The following SH3GL2 variants were observed in gnomAD, a reference collection of about 807,000 sequenced individuals.
SH3GL2 encodes the protein SH3 domain containing GRB2 like 2, endophilin A1.
Under a neutral mutation model 46.0 loss-of-function variants are expected in SH3GL2, and 24 were observed. The observed-to-expected ratio is 0.52, with a 90% CI of 0.38 to 0.73. The LOEUF is 0.73. SH3GL2 is among the 30% of genes least tolerant of loss of function. The pLI is 0.00. For missense variants in SH3GL2, 413 were observed against 424.2 expected (o/e 0.97, Z 0.23); for synonymous variants, 196 against 147.1 (o/e 1.33, Z -2.40).
At chr9:17,629,954 A>G (rs1051695854) in intron 1 of SH3GL2, among the ~76,000 whole-genome samples, 8 of 152,194 alleles carry the variant, frequency 5.3e-5, no homozygotes, top group Non-Finnish European at 1.2e-4. Flanking sequence ...ATGGAATCAC[A>G]TGGAGATGCT....
chr9:17,737,333 C>G (rs1822368362), intron 1 of SH3GL2, among the ~76,000 whole-genome samples: 1 of 151,444 alleles, frequency 6.6e-6, no homozygotes, highest in Non-Finnish European at 1.5e-5. Context: ...CACATGTATC[C>G]CAGAACTTAA....
chr9:17,662,826 C>T (rs1820254712), intron 1 of SH3GL2, among the ~76,000 whole-genome samples: 1 of 151,454 alleles, frequency 6.6e-6, no homozygotes, highest in African/African-American at 2.4e-5. Flanking sequence ...TCTGCTGCCT[C>T]AGCCTCCCAA....
intron 3 of SH3GL2, among the ~76,000 whole-genome samples, chr9:17,763,657 T>C (rs773338959): frequency 2.6e-5 from 4 of 152,182 alleles, no homozygotes; most frequent in Non-Finnish European, 5.9e-5. Context: ...ATCAATTCTT[T>C]TCTTTGAGGC....
chr9:17,594,278 G>A (rs1350688974), intron 1 of SH3GL2, among the ~76,000 whole-genome samples: 2 of 152,038 alleles, frequency 1.3e-5, no homozygotes, highest in Non-Finnish European at 2.9e-5. Flanking sequence ...TATGCCATAC[G>A]TTTCTTGCCT....
intron 1 of SH3GL2, among the ~76,000 whole-genome samples, chr9:17,671,011 A>G (rs370978195): frequency 2.0e-4 from 30 of 152,300 alleles, no homozygotes; most frequent in African/African-American, 6.0e-4. Flanking sequence ...CTACTAGGCT[A>G]TATTAGTAGA....
chr9:17,610,729 G>GT (rs59800681), intron 1 of SH3GL2, among the ~76,000 whole-genome samples: 86,109 of 150,300 alleles, frequency 0.57, 25,628 homozygotes, highest in Middle Eastern at 0.72. Flanking sequence ...GTTTTCTAAA[G>GT]TTTTTTTTTT....
intron 2 of SH3GL2, among the ~76,000 whole-genome samples, chr9:17,750,540 C>T (rs1822813530): frequency 6.6e-6 from 1 of 152,000 alleles, no homozygotes; most frequent in African/African-American, 2.4e-5. Flanking sequence ...AGGATCCCTG[C>T]CCATCATTAT....
intron 1 of SH3GL2, among the ~76,000 whole-genome samples, chr9:17,684,184 A>G (rs752285188): frequency 3.9e-5 from 6 of 152,140 alleles, no homozygotes; most frequent in Non-Finnish European, 7.4e-5. Flanking sequence ...AAAGGTTCTA[A>G]GTGGGAAAAG....
chr9:17,731,078 C>T (rs574784299), intron 1 of SH3GL2, among the ~76,000 whole-genome samples: 16 of 152,226 alleles, frequency 1.1e-4, no homozygotes, highest in Admixed American at 7.2e-4. Context: ...CAGATGAAAG[C>T]AAAACGTTGT....
chr9:17,755,188 A>C (rs545628440), intron 2 of SH3GL2, among the ~76,000 whole-genome samples: 23 of 152,198 alleles, frequency 1.5e-4, no homozygotes, highest in Non-Finnish European at 2.6e-4. Flanking sequence ...GGGACTTTAT[A>C]ACATGAATGA....
rs535977649 is a variant in SH3GL2, at chr9:17,579,206, C to T, written c.-37C>T. The T allele has an allele frequency of 1.2e-3, 1,768 of 1,508,232 alleles. 6 individuals are homozygous for T. Among genetic ancestry groups the T allele is most frequent in the South Asian group, 5.0e-3 (411 of 82,032 alleles). 93.4% of individuals were successfully genotyped at this position (1,508,232 alleles called of 1,614,324 possible). A position where few individuals can be genotyped will look rare whatever the true frequency, so the allele number is the denominator to read the frequency against. On this transcript the variant is annotated 5_prime_UTR_variant, in exon 1 of 9. Transcript: ENST00000380607. The stretch of plus-strand genomic sequence containing the variant: ...CCTCCAGTCCCCCTCCGCCTCCTCC[C>T]TCCCGCACAGCAGCCGCCAGCGCGG...
chr9:17,751,120 A>G (rs1234646300), intron 2 of SH3GL2, among the ~76,000 whole-genome samples: 1 of 152,224 alleles, frequency 6.6e-6, no homozygotes, highest in African/African-American at 2.4e-5. Flanking sequence ...TGAACCCAGA[A>G]GATGTCCTAG....
At chr9:17,618,392 G>C (rs1240286002) in intron 1 of SH3GL2, among the ~76,000 whole-genome samples, 1 of 152,206 alleles carries the variant, frequency 6.6e-6, no homozygotes, top group African/African-American at 2.4e-5. Flanking sequence ...CATACATGGA[G>C]AGGAGCATAA....
chr9:17,664,581 A>T (rs1194897957), intron 1 of SH3GL2, among the ~76,000 whole-genome samples: 1 of 152,048 alleles, frequency 6.6e-6, no homozygotes, highest in African/African-American at 2.4e-5. Context: ...TTCATATCAA[A>T]CTTTTGAAAA....
intron 1 of SH3GL2, among the ~76,000 whole-genome samples, chr9:17,739,346 G>A (rs988294797): frequency 2.0e-5 from 3 of 149,080 alleles, no homozygotes; most frequent in Non-Finnish European, 3.0e-5. Flanking sequence ...GGGGATTTAT[G>A]ACTAGCTTTA....
chr9:17,649,584 A>T (rs527782890), intron 1 of SH3GL2, among the ~76,000 whole-genome samples: 1 of 152,226 alleles, frequency 6.6e-6, no homozygotes, highest in African/African-American at 2.4e-5. Flanking sequence ...TCTGTTTTAA[A>T]TGGAAAAAAT....
intron 1 of SH3GL2, among the ~76,000 whole-genome samples, chr9:17,696,751 A>G (rs564822691): frequency 6.6e-6 from 1 of 152,240 alleles, no homozygotes; most frequent in East Asian, 1.9e-4. Flanking sequence ...ACAATTGAAG[A>G]TGAGATTTGG....
At position 17,796,837 on chromosome 9, in the gene SH3GL2, C is replaced by T. The variant is rs1288980378; in HGVS notation, c.*1094C>T. ...AAACTCTTTCCCAATTCAGTCGCTA[C>T]TTTTACTTCTGCCCTTTCTATCCAT... On this transcript the variant is annotated 3_prime_UTR_variant, in exon 9 of 9. Transcript: ENST00000380607. 5 of 152,642 alleles carry T rather than the reference C, an allele frequency of 3.3e-5. No individual in the cohort carries two copies. The highest frequency in any genetic ancestry group is 7.3e-5 in the Non-Finnish European group (5 of 68,038). The allele number at this position is 152,642 out of a possible 1,614,324, so 9.5% of individuals were successfully genotyped here.
At chr9:17,616,081 G>A (rs1407432979) in intron 1 of SH3GL2, among the ~76,000 whole-genome samples, 1 of 152,074 alleles carries the variant, frequency 6.6e-6, no homozygotes, top group Non-Finnish European at 1.5e-5. Flanking sequence ...TCAGTAAGGT[G>A]GATTACTTAC....
Sources: gnomAD v4.1 joint callset for allele counts (sites outside exome capture counted in the v4.1 genomes callset) on GRCh38, gnomAD v4.1.1 for gene constraint, MANE v1.5 for transcripts, NCBI Gene and HGNC (gene_info 2026-07-23, HGNC 2026-07-21) for gene names.